DEPDC1B: variants seen among roughly 807,000 people sequenced by gnomAD.
The protein encoded by DEPDC1B is DEP domain containing 1B, also known as DEP domain-containing protein 1B.
Under a neutral mutation model 66.5 loss-of-function variants are expected in DEPDC1B, and 51 were observed. The ratio of observed to expected loss-of-function variants is 0.77; its 90% confidence interval spans 0.61 to 0.97. The LOEUF is 0.97. Among genes scored for constraint, DEPDC1B ranks in the 50% least tolerant of loss-of-function variants. DEPDC1B has a pLI of 0.00. For synonymous variants in DEPDC1B, 226 were observed against 223.6 expected (o/e 1.01, Z -0.10); for missense variants, 552 against 637.1 (o/e 0.87, Z 1.44).
chr5:60,648,041 AC>A (rs1401660772), intron 2 of DEPDC1B: 3 of 152,284 alleles, frequency 2.0e-5, no homozygotes, highest in Non-Finnish European at 4.4e-5. Flanking sequence ...CTGGAGACTC[AC>A]CAACGAGAGT....
At chr5:60,690,481 A>G (rs1754516591) in intron 1 of DEPDC1B, among the ~76,000 whole-genome samples, 3 of 152,222 alleles carry the variant, frequency 2.0e-5, no homozygotes, top group Admixed American at 1.3e-4. Context: ...AATATAAGGC[A>G]ACTTTTATTG....
At chr5:60,686,844 A>G in intron 2 of DEPDC1B, 118 bp downstream of exon 2, 2 of 1,295,048 alleles carry the variant, frequency 1.5e-6, no homozygotes, top group Non-Finnish European at 2.2e-6. Flanking sequence ...AATCACAACT[A>G]GACCCACTGT....
chr5:60,633,642 C>G (rs1752973818), intron 7 of DEPDC1B, among the ~76,000 whole-genome samples: 2 of 152,116 alleles, frequency 1.3e-5, no homozygotes, highest in South Asian at 4.1e-4. Context: ...CCAGCTGAGA[C>G]CTGAAGAGCT....
intron 7 of DEPDC1B, among the ~76,000 whole-genome samples, chr5:60,633,040 G>A (rs557546405): frequency 2.0e-5 from 3 of 152,338 alleles, no homozygotes; most frequent in African/African-American, 7.2e-5. Context: ...GCCAGCTGCT[G>A]TGCCAAGCTC....
chr5:60,667,854 C>T (rs1287035380), intron 2 of DEPDC1B, among the ~76,000 whole-genome samples: 407 of 39,820 alleles, frequency 0.01, 51 homozygotes, highest in East Asian at 0.024. Flanking sequence ...GGATATTTTA[C>T]ATATATGTAA....
intron 7 of DEPDC1B, among the ~76,000 whole-genome samples, chr5:60,616,508 T>C (rs1047677786): frequency 5.9e-5 from 9 of 152,132 alleles, no homozygotes; most frequent in African/African-American, 2.2e-4. Flanking sequence ...CAAGCCTCAG[T>C]TGCTGATTCG....
At chr5:60,607,951 G>C (rs1287129944) in intron 7 of DEPDC1B, among the ~76,000 whole-genome samples, 2 of 152,152 alleles carry the variant, frequency 1.3e-5, no homozygotes, top group Non-Finnish European at 2.9e-5. Context: ...AGATCATGCA[G>C]AACTTTGTAG....
chr5:60,611,609 A>T (rs1192437794), intron 7 of DEPDC1B, among the ~76,000 whole-genome samples: 2 of 152,266 alleles, frequency 1.3e-5, no homozygotes, highest in Non-Finnish European at 2.9e-5. Context: ...TAAAGCAGTG[A>T]AACAGCTGTG....
chr5:60,622,128 T>G (rs1381317838), intron 7 of DEPDC1B, among the ~76,000 whole-genome samples: 1 of 152,296 alleles, frequency 6.6e-6, no homozygotes, highest in Admixed American at 6.5e-5. Context: ...AATGTAGAGC[T>G]CAGTGAGTTT....
At chr5:60,657,892 A>G (rs1055270797) in intron 2 of DEPDC1B, among the ~76,000 whole-genome samples, 9 of 152,284 alleles carry the variant, frequency 5.9e-5, no homozygotes, top group Non-Finnish European at 1.3e-4. Flanking sequence ...TGTTTTCCAG[A>G]CTTTTAGATT....
At chr5:60,609,371 A>C (rs537156687) in intron 7 of DEPDC1B, among the ~76,000 whole-genome samples, 1 of 152,196 alleles carries the variant, frequency 6.6e-6, no homozygotes, top group East Asian at 1.9e-4. Context: ...TCCTGTGAAA[A>C]CAGAAGCCTA....
intron 2 of DEPDC1B, among the ~76,000 whole-genome samples, chr5:60,668,037 T>A (rs1446382664): frequency 5.3e-5 from 4 of 75,098 alleles, no homozygotes; most frequent in Non-Finnish European, 7.4e-5. Flanking sequence ...AATGGATATT[T>A]TATATATATA....
intron 7 of DEPDC1B, among the ~76,000 whole-genome samples, chr5:60,634,915 TG>T: frequency 6.6e-6 from 1 of 151,898 alleles, no homozygotes; most frequent in South Asian, 2.1e-4. Context: ...CAAAATTAGC[TG>T]GGCATGGTGG....
At chr5:60,598,975 G>A (rs1752148295) in intron 10 of DEPDC1B, 100 bp downstream of exon 10, 1 of 1,035,182 alleles carries the variant, frequency 9.7e-7, no homozygotes, top group Admixed American at 3.1e-5. Flanking sequence ...AACTGCTATG[G>A]CTCAGAAGAT....
intron 7 of DEPDC1B, among the ~76,000 whole-genome samples, chr5:60,608,731 A>G (rs971760546): frequency 1.1e-4 from 17 of 152,146 alleles, no homozygotes; most frequent in Non-Finnish European, 2.1e-4. Context: ...TATATCCATT[A>G]TATCTTTTCA....
At chr5:60,681,567 A>G (rs551598509) in intron 2 of DEPDC1B, among the ~76,000 whole-genome samples, 5 of 152,222 alleles carry the variant, frequency 3.3e-5, no homozygotes, top group Non-Finnish European at 7.3e-5. Flanking sequence ...AGATACACAG[A>G]TAACAACATT....
At chr5:60,624,948 A>G (rs1584040690) in intron 7 of DEPDC1B, among the ~76,000 whole-genome samples, 1 of 121,524 alleles carries the variant, frequency 8.2e-6, no homozygotes, top group Admixed American at 1.1e-4. Flanking sequence ...CCTTGTGTCC[A>G]TGTGTTCTCA....
intron 7 of DEPDC1B, among the ~76,000 whole-genome samples, chr5:60,634,726 C>T (rs1473253776): frequency 6.7e-6 from 1 of 150,318 alleles, no homozygotes; most frequent in Admixed American, 6.6e-5. Context: ...AAATAAATAG[C>T]TTGTGTATTT....
In DEPDC1B at chr5:60,603,402, G is replaced by A. The variant is rs1752241382; in HGVS notation, c.1231C>T (p.Arg411Ter). Residue 411 changes from arginine to a stop codon, truncating the protein, a stop_gained, in exon 9 of 11, where the codon CGA (arginine) becomes TGA (stop). Transcript: ENST00000265036. LOFTEE classifies it high-confidence loss of function. Reference sequence around the variant, plus strand: ...ATCCTCTCCTTTACCTGGACTCTTCGTAGATGAGCCACACGCTCCTCTATA... The same window carrying A: ...ATCCTCTCCTTTACCTGGACTCTTCATAGATGAGCCACACGCTCCTCTATA... ...TSIEERVAHL[R>*]RVQIKYPGAD... is the part of the protein sequence containing the mutation. The A allele has an allele frequency of 3.8e-6, 6 of 1,576,822 alleles. No homozygotes were observed. The Admixed American group carries it at 6.0e-5, about 16-fold the overall frequency.
Sources: allele counts gnomAD v4.1 joint callset (sites outside exome capture counted in the v4.1 genomes callset), GRCh38; gene constraint gnomAD v4.1.1; transcripts MANE v1.5; gene names NCBI Gene and HGNC (gene_info 2026-07-23, HGNC 2026-07-21).